The following GALNTL6 variants were observed in gnomAD, a reference collection of about 807,000 sequenced individuals.
GALNTL6 encodes the protein polypeptide N-acetylgalactosaminyltransferase like 6, also known as polypeptide N-acetylgalactosaminyltransferase-like 6.
In GALNTL6, 46 loss-of-function variants were observed where a neutral mutation model predicts 73.7. The observed-to-expected ratio is 0.62, with a 90% CI of 0.49 to 0.80. The LOEUF is 0.80. Ranked by LOEUF, GALNTL6 falls within the 30% of genes least tolerant of loss-of-function variation. The pLI is 0.00. For missense variants in GALNTL6, 604 were observed against 755.0 expected (o/e 0.80, Z 2.34); for synonymous variants, 259 against 263.7 (o/e 0.98, Z 0.17).
chr4:172,786,493 G>GT (rs1353952134), intron 5 of GALNTL6, among the ~76,000 whole-genome samples: 2 of 152,152 alleles, frequency 1.3e-5, no homozygotes, highest in Non-Finnish European at 2.9e-5. Context: ...TTTAATATAA[G>GT]TGTTTGGCAA....
chr4:172,862,007 G>A (rs767683282), intron 7 of GALNTL6, among the ~76,000 whole-genome samples: 29 of 152,204 alleles, frequency 1.9e-4, no homozygotes, highest in African/African-American at 4.1e-4. Context: ...ATGTGGAAGC[G>A]ACTTTGGAAC....
chr4:172,023,260 A>AATAT (rs147809450), intron 2 of GALNTL6, among the ~76,000 whole-genome samples: 4 of 150,156 alleles, frequency 2.7e-5, no homozygotes, highest in Admixed American at 6.7e-5. Context: ...GTGTATTGAA[A>AATAT]ATATATATAT....
intron 5 of GALNTL6, among the ~76,000 whole-genome samples, chr4:172,717,097 C>T (rs915410569): frequency 6.8e-6 from 1 of 146,948 alleles, no homozygotes; most frequent in Non-Finnish European, 1.5e-5. Flanking sequence ...ATCAATAACC[C>T]ATTATGTGAA....
At chr4:172,725,071 T>C (rs1357465581) in intron 5 of GALNTL6, among the ~76,000 whole-genome samples, 1 of 152,138 alleles carries the variant, frequency 6.6e-6, no homozygotes, top group Admixed American at 6.6e-5. Flanking sequence ...CGTGCTTCTG[T>C]TAGTACTGAA....
At chr4:172,193,754 T>C (rs1174238049) in intron 2 of GALNTL6, among the ~76,000 whole-genome samples, 2 of 151,966 alleles carry the variant, frequency 1.3e-5, no homozygotes, top group Non-Finnish European at 2.9e-5. Context: ...TCCCAGCTAC[T>C]TGGGAGGCTG....
At chr4:172,598,249 T>C (rs1737936214) in intron 5 of GALNTL6, among the ~76,000 whole-genome samples, 1 of 152,152 alleles carries the variant, frequency 6.6e-6, no homozygotes, top group Admixed American at 6.5e-5. Flanking sequence ...TCCAAACATA[T>C]TGGCAGTGAT....
chr4:172,210,036 T>C (rs1231131778), intron 2 of GALNTL6, among the ~76,000 whole-genome samples: 2 of 152,086 alleles, frequency 1.3e-5, no homozygotes, highest in Non-Finnish European at 2.9e-5. Context: ...GAATGAATAA[T>C]GTTGACAATA....
At chr4:172,396,572 C>G (rs773721406) in intron 5 of GALNTL6, among the ~76,000 whole-genome samples, 2 of 152,066 alleles carry the variant, frequency 1.3e-5, no homozygotes, top group Non-Finnish European at 2.9e-5. Flanking sequence ...TATTTTTCTC[C>G]TTACTTAAGA....
chr4:171,853,135 T>C (rs530540138), intron 2 of GALNTL6, among the ~76,000 whole-genome samples: 52 of 150,960 alleles, frequency 3.4e-4, no homozygotes, highest in African/African-American at 1.2e-3. Flanking sequence ...AGTGCTGGGA[T>C]TACAGGCGTG....
At chr4:172,710,150 G>A (rs543695212) in intron 5 of GALNTL6, among the ~76,000 whole-genome samples, 1 of 152,216 alleles carries the variant, frequency 6.6e-6, no homozygotes, top group Admixed American at 6.5e-5. Flanking sequence ...TATATTGTTG[G>A]CAGGGTGTGA....
intron 2 of GALNTL6, among the ~76,000 whole-genome samples, chr4:172,059,401 G>T (rs1274558454): frequency 6.6e-6 from 1 of 152,046 alleles, no homozygotes; most frequent in Non-Finnish European, 1.5e-5. Context: ...GCTCATACTC[G>T]ACATTACAAT....
intron 5 of GALNTL6, among the ~76,000 whole-genome samples, chr4:172,703,021 G>T (rs1160750071): frequency 6.6e-6 from 1 of 151,830 alleles, no homozygotes; most frequent in Non-Finnish European, 1.5e-5. Flanking sequence ...AGGAATGATG[G>T]TTATTTCCTC....
At chr4:172,766,315 C>T (rs1261025864) in intron 5 of GALNTL6, among the ~76,000 whole-genome samples, 1 of 152,204 alleles carries the variant, frequency 6.6e-6, no homozygotes, top group Non-Finnish European at 1.5e-5. Context: ...AATAGACAAT[C>T]CTCCTGCCCT....
At chr4:172,953,567 A>G (rs972324807) in intron 10 of GALNTL6, among the ~76,000 whole-genome samples, 1 of 152,232 alleles carries the variant, frequency 6.6e-6, no homozygotes, top group African/African-American at 2.4e-5. Flanking sequence ...AGGAGAGGCC[A>G]GAGGACTCAG....
intron 7 of GALNTL6, among the ~76,000 whole-genome samples, chr4:172,839,412 A>C (rs7676941): frequency 0.31 from 47,252 of 152,060 alleles, 11,293 homozygotes; most frequent in African/African-American, 0.67. Flanking sequence ...CTGCAAGGAA[A>C]CTGACTAATT....
chr4:171,835,883 T>C (rs2110833314), intron 2 of GALNTL6, among the ~76,000 whole-genome samples: 2 of 152,152 alleles, frequency 1.3e-5, no homozygotes, highest in Admixed American at 1.3e-4. Context: ...GATAATGGTT[T>C]ACTGTAAACA....
At chr4:172,939,393 A>T (rs541698064) in intron 9 of GALNTL6, among the ~76,000 whole-genome samples, 14 of 152,348 alleles carry the variant, frequency 9.2e-5, no homozygotes, top group African/African-American at 3.1e-4. Context: ...ATGTTTCATT[A>T]TTCTCTATGA....
At chr4:172,554,246 A>T (rs1157014955) in intron 5 of GALNTL6, among the ~76,000 whole-genome samples, 1 of 152,180 alleles carries the variant, frequency 6.6e-6, no homozygotes, top group African/African-American at 2.4e-5. Flanking sequence ...TCATTAAAGC[A>T]TTGCATGCAT....
chr4:172,789,167 T>C (rs1739853542), intron 5 of GALNTL6, among the ~76,000 whole-genome samples: 2 of 152,206 alleles, frequency 1.3e-5, no homozygotes, highest in Non-Finnish European at 2.9e-5. Flanking sequence ...CTGTGCCCCG[T>C]CTTCCAGACA....
Sources: gnomAD v4.1 joint callset for allele counts (sites outside exome capture counted in the v4.1 genomes callset) on GRCh38, gnomAD v4.1.1 for gene constraint, MANE v1.5 for transcripts, NCBI Gene and HGNC (gene_info 2026-07-23, HGNC 2026-07-21) for gene names.